INPP4A: variants seen among roughly 807,000 people sequenced by gnomAD.
INPP4A encodes the protein inositol polyphosphate-4-phosphatase type I A, also known as inositol polyphosphate-4-phosphatase, type I, 107kD.
INPP4A carries 33 observed loss-of-function variants against 119.8 expected under a neutral mutation model. The observed-to-expected ratio is 0.28, with a 90% CI of 0.21 to 0.37. INPP4A has a LOEUF of 0.37. Among genes scored for constraint, INPP4A ranks in the 10% least tolerant of loss-of-function variants. The pLI is 1.00. For missense variants in INPP4A, 956 were observed against 1,289.9 expected, an observed-to-expected ratio of 0.74 and a Z score of 3.97; for synonymous variants, 496 against 500.7, an observed-to-expected ratio of 0.99 and a Z score of 0.12.
In INPP4A at chr2:98,510,974, C is replaced by A. The variant is rs192379457; in HGVS notation, c.-165-7990C>A. On this transcript the variant is annotated intron_variant, in intron 1 of 24. Coordinates refer to ENST00000409851, the MANE Select transcript of INPP4A (RefSeq NM_001134225.2). ...ATGAACATCTCCCAGTGAGCACAAG[C>A]TCGGGGGCCCTAAGTCAGGTCATTT... 2.2e-3 allele frequency among the ~76,000 whole-genome samples: 335 copies of A among 152,276 alleles called. 1 individual carries two copies. The highest frequency in any genetic ancestry group is 5.2e-3 in the South Asian group (25 of 4,832).
chr2:98,541,811 C>T (rs990280462), intron 10 of INPP4A, among the ~76,000 whole-genome samples: 1 of 152,216 alleles, frequency 6.6e-6, no homozygotes. Flanking sequence ...TCCCTAGCTC[C>T]TGGCCTCAAG....
chr2:98,521,085 C>T, intron 4 of INPP4A: 1 of 218,970 alleles, frequency 4.6e-6, no homozygotes, highest in East Asian at 1.2e-4. Flanking sequence ...GTTGGGGAAA[C>T]CGGGCATAGA....
At chr2:98,560,082 G>A (rs1378286908) in intron 17 of INPP4A, among the ~76,000 whole-genome samples, 1 of 152,168 alleles carries the variant, frequency 6.6e-6, no homozygotes, top group African/African-American at 2.4e-5. Context: ...CAGAGAACCC[G>A]TGGCCTTCAA....
At chr2:98,552,188 G>A (rs989682126) in intron 13 of INPP4A, among the ~76,000 whole-genome samples, 1 of 152,204 alleles carries the variant, frequency 6.6e-6, no homozygotes, top group Non-Finnish European at 1.5e-5. Flanking sequence ...TTCAAAGTAG[G>A]GAAGTCCTGG....
chr2:98,457,646 G>A (rs556436730), intron 1 of INPP4A, among the ~76,000 whole-genome samples: 2 of 152,218 alleles, frequency 1.3e-5, no homozygotes, highest in South Asian at 2.1e-4. Flanking sequence ...ACCTCAGAAC[G>A]TAGATTTGTC....
Position 98,589,361 on chromosome 2 carries a change from T to C in INPP4A, c.*1753T>C, listed in dbSNP as rs1193887043. 1 of 184,824 alleles carries C rather than the reference T, an allele frequency of 5.4e-6. No homozygotes were observed. Among genetic ancestry groups the C allele is most frequent in the Non-Finnish European group, 1.1e-5 (1 of 87,284 alleles). The allele number at this position is 184,824 out of a possible 1,614,324, so 11.4% of individuals were successfully genotyped here. The stretch of plus-strand genomic sequence containing the variant: ...TCACCTCTCCACCATCTCATTTAAT[T>C]TGTAAATTTTTAGTTCTGTCTTTTC... On this transcript the variant is annotated 3_prime_UTR_variant, in exon 25 of 25. Transcript: ENST00000409851.
At chr2:98,493,339 C>T (rs1681228845) in intron 1 of INPP4A, among the ~76,000 whole-genome samples, 1 of 152,066 alleles carries the variant, frequency 6.6e-6, no homozygotes, top group Non-Finnish European at 1.5e-5. Context: ...TGATCACACA[C>T]CTCTCATGAT....
rs372965091 is a variant in INPP4A, at chr2:98,468,238, G to T, written c.-166+23153G>T. Among the ~76,000 whole-genome samples, 56 of 152,206 alleles carry T rather than the reference G, an allele frequency of 3.7e-4. 1 individual carries two copies. The highest frequency in any genetic ancestry group is 1.3e-3 in the African/African-American group (54 of 41,530). On this transcript the variant is annotated intron_variant, in intron 1 of 24. Transcript: ENST00000409851. ...TCTCAGTAAAGAAAACAATTTTATT[G>T]ATTGATTGATTGATTGAGACAGGGT...
At chr2:98,502,041 G>A (rs1683230773) in intron 1 of INPP4A, among the ~76,000 whole-genome samples, 1 of 152,180 alleles carries the variant, frequency 6.6e-6, no homozygotes, top group Admixed American at 6.5e-5. Flanking sequence ...CACTGTTCTG[G>A]AATGATGTGA....
intron 1 of INPP4A, among the ~76,000 whole-genome samples, chr2:98,485,873 G>C (rs1337050602): frequency 6.6e-6 from 1 of 152,174 alleles, no homozygotes. Flanking sequence ...CACTTAAATT[G>C]AGTATTTTTC....
At position 98,539,639 on chromosome 2, in the gene INPP4A, A is replaced by C; in HGVS notation, c.782A>C (p.Gln261Pro). ...GTGCTCTCCCTGCACGTGCCCCGGC[A>C]GTTCGTGAAGCTCCTACTAGAGGAA... The part of the protein sequence containing the change: ...ESVLSLHVPR[Q>P]FVKLLLEEDA... Residue 261 changes from glutamine (Q) to proline (P), a missense_variant, in exon 10 of 25, where the codon CAG becomes CCG. Around this residue, in one of 2 missense-constraint regions of INPP4A, gnomAD observed 652 missense variants for 797.9 expected, o/e 0.82. Transcript: ENST00000409851. The C allele has an allele frequency of 6.2e-7, 1 of 1,610,544 alleles. No homozygotes were observed. Among genetic ancestry groups the C allele is most frequent in the Non-Finnish European group, 8.5e-7 (1 of 1,178,396 alleles).
intron 4 of INPP4A, among the ~76,000 whole-genome samples, chr2:98,523,403 T>G (rs1345311331): frequency 4.6e-5 from 7 of 151,732 alleles, no homozygotes; most frequent in Non-Finnish European, 8.8e-5. Flanking sequence ...TTTTTTTGTT[T>G]TTTTTTTTTG....
At chr2:98,520,568 G>A (rs1213345145) in intron 3 of INPP4A, 119 bp from the exon 4 acceptor site, 2 of 697,658 alleles carry the variant, frequency 2.9e-6, no homozygotes, top group African/African-American at 3.7e-5. Flanking sequence ...TAAAGAAATT[G>A]TCTTGCATGG....
intron 10 of INPP4A, among the ~76,000 whole-genome samples, chr2:98,542,909 T>G (rs1691746444): frequency 6.6e-6 from 1 of 151,994 alleles, no homozygotes; most frequent in Admixed American, 6.6e-5. Flanking sequence ...GGGCCACTTT[T>G]AGGTTCAGAC....
chr2:98,568,406 C>A (rs1696867113), intron 21 of INPP4A, among the ~76,000 whole-genome samples, 165 bp from the exon 22 acceptor site: 1 of 152,206 alleles, frequency 6.6e-6, no homozygotes, highest in Admixed American at 6.5e-5. Flanking sequence ...TGATCAGCAA[C>A]ACTGTAGAAA....
At position 98,587,640 on chromosome 2, in the gene INPP4A, A is replaced by G. The variant is rs748572918; in HGVS notation, c.*32A>G. Reference sequence around the variant, plus strand: ...GGTTTCCTCTAATTAGCTGTTACATAATAAATGTGGGTACCCTCTAGTGTC... The same window carrying G: ...GGTTTCCTCTAATTAGCTGTTACATGATAAATGTGGGTACCCTCTAGTGTC... On this transcript the variant is annotated 3_prime_UTR_variant, in exon 25 of 25. Transcript: ENST00000409851. 1.8e-5 allele frequency: 28 copies of G among 1,559,898 alleles called. No individual in the cohort carries two copies. Among genetic ancestry groups the G allele is most frequent in the Middle Eastern group, 3.4e-4 (2 of 5,962 alleles).
intron 4 of INPP4A, among the ~76,000 whole-genome samples, chr2:98,522,564 C>G (rs144130124): frequency 6.6e-6 from 1 of 151,108 alleles, no homozygotes; most frequent in Non-Finnish European, 1.5e-5. Context: ...CCAGAAGGTC[C>G]GATATTTAGA....
At chr2:98,579,031 A>G (rs1698877111) in intron 24 of INPP4A, among the ~76,000 whole-genome samples, 2 of 152,172 alleles carry the variant, frequency 1.3e-5, no homozygotes, top group African/African-American at 4.8e-5. Context: ...TAGGTTAATA[A>G]ATGTAGACCT....
rs550831153 is a variant in INPP4A, at chr2:98,520,308, A to C, written c.106+154A>C. Among the ~76,000 whole-genome samples the C allele has an allele frequency of 2.6e-5, 4 of 152,246 alleles. No individual in the cohort carries two copies. In the South Asian group the frequency reaches 8.3e-4, roughly 32 times the overall value. On this transcript the variant is annotated intron_variant, in intron 3 of 24. Coordinates refer to ENST00000409851, the MANE Select transcript of INPP4A (RefSeq NM_001134225.2). ...TGGCATCCTTCTGGTTGAACCAGGA[A>C]ATAGGGAAGGGGGATGTCAGCCCTC...
Sources: allele counts gnomAD v4.1 joint callset (sites outside exome capture counted in the v4.1 genomes callset), GRCh38; gene constraint gnomAD v4.1.1; regional missense constraint gnomAD v4.1.1; transcripts MANE v1.5; gene names NCBI Gene and HGNC (gene_info 2026-07-23, HGNC 2026-07-21).